ZNF605: variants seen among roughly 807,000 people sequenced by gnomAD.
ZNF605 encodes zinc finger protein 605.
ZNF605 carries 9 observed loss-of-function variants against 7.9 expected under a neutral mutation model. That is an observed-to-expected ratio of 1.14 (90% CI 0.68 to 1.98). The LOEUF (loss-of-function observed/expected upper bound fraction) is 1.98, where lower values mean the gene tolerates loss of function less well. ZNF605 is among the 30% of genes most tolerant of loss of function. ZNF605 has a pLI of 0.00. For synonymous variants in ZNF605, 255 were observed against 260.1 expected, an observed-to-expected ratio of 0.98 and a Z score of 0.19; for missense variants, 673 against 762.4, an observed-to-expected ratio of 0.88 and a Z score of 1.38.
chr12:132,935,352 AAATTGTCCCTGAG>A (rs1952353419), intron 3 of ZNF605, among the ~76,000 whole-genome samples: 1 of 152,192 alleles, frequency 6.6e-6, no homozygotes, highest in Non-Finnish European at 1.5e-5. Flanking sequence ...AAGAGGTCAA[AAATTGTCCCTGAG>A]AATTATAACA....
rs1279133260 is a variant in ZNF605 at position 132,941,726 on chromosome 12, G to A, written c.15+3895C>T. Among the ~76,000 whole-genome samples the A allele has an allele frequency of 1.3e-5, 2 of 152,120 alleles. No individual in the cohort carries two copies. The highest frequency in any genetic ancestry group is 4.8e-5 in the African/African-American group (2 of 41,436). ...CCGTTCCCCGCAGGGCACTTCCCAC[G>A]GGTACCTCCAGGCTGCCCTCCGTCA... On this transcript the variant is annotated intron_variant, in intron 3 of 4. Transcript: ENST00000360187. This position sits in a 1 kb window ranked among gnomAD's most constrained non-coding sequence, Gnocchi z 5.1.
At position 132,926,194 on chromosome 12, in the gene ZNF605, C is replaced by G. The variant is rs981098684; in HGVS notation, c.1105G>C (p.Glu369Gln). The G allele has an allele frequency of 6.2e-7, 1 of 1,614,192 alleles. No individual in the cohort carries two copies. Among genetic ancestry groups the G allele is most frequent in the Non-Finnish European group, 8.5e-7 (1 of 1,180,036 alleles). ...HTGEKPYECN[E>Q]CGEAFIRKPQ... ...TTTCTGATGAAGGCTTCACCACATT[C>G]GTTGCATTCGTAGGGCTTCTCTCCT... The change falls in exon 5 of 5, where the codon GAA (glutamate) becomes CAA (glutamine). Residue 369 changes from glutamate (E) to glutamine (Q), a missense_variant. Transcript: ENST00000360187.
At chr12:132,928,450 C>T (rs905367857) in intron 4 of ZNF605, among the ~76,000 whole-genome samples, 2 of 152,238 alleles carry the variant, frequency 1.3e-5, no homozygotes, top group East Asian at 1.9e-4. Context: ...CATTCATCCT[C>T]CTTTAATTGG....
chr12:132,939,074 A>G (rs1442741254), intron 3 of ZNF605, among the ~76,000 whole-genome samples: 1 of 151,580 alleles, frequency 6.6e-6, no homozygotes, highest in African/African-American at 2.4e-5. Context: ...AGCCTCCCTG[A>G]CGAGCACCAC....
chr12:132,953,583 T>C (rs1231086324), intron 1 of ZNF605, among the ~76,000 whole-genome samples: 11 of 152,070 alleles, frequency 7.2e-5, no homozygotes, highest in South Asian at 6.2e-4. Flanking sequence ...CCCACCACCA[T>C]GCCCAGCTAA....
chr12:132,940,692 C>T (rs1430663236), intron 3 of ZNF605, among the ~76,000 whole-genome samples: 1 of 152,146 alleles, frequency 6.6e-6, no homozygotes, highest in African/African-American at 2.4e-5. Context: ...CGGCCAGCCT[C>T]AGACTGGCAG....
chr12:132,941,712 A>G lies in ZNF605; in HGVS notation c.15+3909T>C, dbSNP rs1252422782. On this transcript the variant is annotated intron_variant, in intron 3 of 4. Transcript: ENST00000360187. The surrounding 1 kb of genome is among the most constrained non-coding windows in gnomAD (Gnocchi z 5.1). ...CAGGCCTCACGCAGCCGTTCCCCGC[A>G]GGGCACTTCCCACGGGTACCTCCAG... 7.9e-5 allele frequency among the ~76,000 whole-genome samples: 12 copies of G among 152,302 alleles called. No homozygotes were observed. Among genetic ancestry groups the G allele is most frequent in the African/African-American group, 2.9e-4 (12 of 41,576 alleles).
chr12:132,945,030 CTGGCTGGAG>C, intron 3 of ZNF605: 1 of 202,922 alleles, frequency 4.9e-6, no homozygotes, highest in Non-Finnish European at 1.0e-5. Context: ...CTCTGTCACC[CTGGCTGGAG>C]TGCACTGATG....
At chr12:132,948,105 T>A (rs1952512952) in intron 2 of ZNF605, 43 bp downstream of exon 2, 1 of 152,162 alleles carries the variant, frequency 6.6e-6, no homozygotes, top group Admixed American at 6.6e-5. Context: ...ATAAGCATAA[T>A]GAACTCAAAA....
At chr12:132,945,900 C>A in intron 2 of ZNF605, 103 bp from the exon 3 acceptor site, 1 of 607,046 alleles carries the variant, frequency 1.6e-6, no homozygotes, top group Admixed American at 2.9e-5. Flanking sequence ...AAGTCTCGAA[C>A]TAGATGTTGG....
rs1952228682 is a variant in ZNF605 at position 132,924,497 on chromosome 12, G to A, written c.*876C>T. ...GACTTCTTGAGCCCTGTATCTAGAA[G>A]GATCCCATCTCTCCAGTACTTTCCC... On this transcript the variant is annotated 3_prime_UTR_variant, in exon 5 of 5. Coordinates refer to ENST00000360187, the MANE Select transcript of ZNF605 (RefSeq NM_183238.4). 6.6e-6 allele frequency: 1 copy of A among 152,220 alleles called. No homozygotes were observed. Among genetic ancestry groups the A allele is most frequent in the South Asian group, 2.1e-4 (1 of 4,832 alleles). 9.4% of individuals were successfully genotyped at this position (152,220 alleles called of 1,614,324 possible).
Position 132,925,773 on chromosome 12 carries a change from T to A in ZNF605, c.1526A>T (p.Glu509Val), listed in dbSNP as rs1952240837. 1.2e-6 allele frequency: 2 copies of A among 1,614,108 alleles called. No individual in the cohort carries two copies. Among genetic ancestry groups the A allele is most frequent in the Non-Finnish European group, 1.7e-6 (2 of 1,179,998 alleles). Residue 509 changes from glutamate to valine, a missense_variant, in exon 5 of 5, where the codon GAA (glutamate) becomes GTA (valine). Physicochemically the swap from Glu to Val is moderately radical, Grantham distance 121. Coordinates refer to ENST00000360187, the MANE Select transcript of ZNF605 (RefSeq NM_183238.4). Reference sequence around the variant, plus strand: ...CTTCCAGGCAAAAGCTTTCCTACATTCACTACATTCAAAGGGCTTTTCTCC... The same window carrying A: ...CTTCCAGGCAAAAGCTTTCCTACATACACTACATTCAAAGGGCTTTTCTCC... ...HTGEKPFECS[E>V]CRKAFAWKPQ...
intron 3 of ZNF605, among the ~76,000 whole-genome samples, chr12:132,937,506 CACACACACAG>C (rs1952380718): frequency 6.6e-6 from 1 of 151,642 alleles, no homozygotes; most frequent in South Asian, 2.1e-4. Flanking sequence ...ACTAAACACA[CACACACACAG>C]ACACACACAC....
chr12:132,925,183 C>T lies in ZNF605; in HGVS notation c.*190G>A, dbSNP rs1010058772. On this transcript the variant is annotated 3_prime_UTR_variant, in exon 5 of 5. Coordinates refer to ENST00000360187, the MANE Select transcript of ZNF605 (RefSeq NM_183238.4). ...ACGAGTAGTGTCTTCTGGGAGATGA[C>T]TTTTTTTACACTGTTTGCTTTTTAA... The T allele has an allele frequency of 3.9e-6, 2 of 510,468 alleles. No homozygotes were observed. Among genetic ancestry groups the T allele is most frequent in the African/African-American group, 3.9e-5 (2 of 51,308 alleles). 31.6% of individuals were successfully genotyped at this position (510,468 alleles called of 1,614,324 possible).
chr12:132,945,285 A>T (rs1952484645), intron 3 of ZNF605: 4 of 837,520 alleles, frequency 4.8e-6, no homozygotes, highest in African/African-American at 1.7e-5. Flanking sequence ...ATGTTTCTAT[A>T]ATCTACTTTG....
chr12:132,939,898 A>G (rs1001358838), intron 3 of ZNF605, among the ~76,000 whole-genome samples: 1,868 of 147,606 alleles, frequency 0.013, 15 homozygotes, highest in Non-Finnish European at 0.02. Context: ...CAGACGCACT[A>G]CCTTAAGAGC....
rs557593936 is a variant in ZNF605, at chr12:132,929,580, T to C, written c.137-2418A>G. 1.0e-3 allele frequency among the ~76,000 whole-genome samples: 159 copies of C among 152,130 alleles called. 1 individual carries two copies. The highest frequency in any genetic ancestry group is 3.7e-3 in the African/African-American group (152 of 41,486). ...ATCCACTTGAAGAGTTTACAGAAAATTGTTTTATAAGATGTGGGAAAAAAG... is the reference window on the plus strand; with the variant it reads ...ATCCACTTGAAGAGTTTACAGAAAACTGTTTTATAAGATGTGGGAAAAAAG... On this transcript the variant is annotated intron_variant, in intron 4 of 4. Coordinates refer to ENST00000360187, the MANE Select transcript of ZNF605 (RefSeq NM_183238.4).
intron 3 of ZNF605, among the ~76,000 whole-genome samples, chr12:132,942,186 A>G (rs1213206291): frequency 1.8e-4 from 27 of 152,232 alleles, no homozygotes; most frequent in Admixed American, 1.8e-3. Flanking sequence ...CAAAACTGGC[A>G]TCTGGGAGGC....
rs1952176950 is a variant in ZNF605 at position 132,918,452 on chromosome 12, T to C, written c.*6921A>G. On this transcript the variant is annotated 3_prime_UTR_variant, in exon 5 of 5. Transcript: ENST00000360187. The stretch of plus-strand genomic sequence containing the variant: ...CACAGAAGGAAGTGTCAGTAACAGG[T>C]CTGACCTCGCACAGCTGCCCATGCA... 6.6e-6 allele frequency: 1 copy of C among 152,268 alleles called. No homozygotes were observed. Among genetic ancestry groups the C allele is most frequent in the African/African-American group, 2.4e-5 (1 of 41,474 alleles). 9.4% of individuals were successfully genotyped at this position (152,268 alleles called of 1,614,324 possible).
Sources: gnomAD v4.1 joint callset for allele counts (sites outside exome capture counted in the v4.1 genomes callset) on GRCh38, gnomAD v4.1.1 for gene constraint, Gnocchi (gnomAD v3.1) non-coding constraint, MANE v1.5 for transcripts, NCBI Gene and HGNC (gene_info 2026-07-23, HGNC 2026-07-21) for gene names.